The following LRRC37A2 variants were observed in gnomAD, a reference collection of about 807,000 sequenced individuals.
The protein encoded by LRRC37A2 is leucine-rich repeat-containing protein 37A2.
A neutral mutation model predicts 68.8 loss-of-function variants in LRRC37A2; 9 were observed. The observed-to-expected ratio is 0.13, with a 90% confidence interval of 0.08 to 0.23. The LOEUF is 0.23. Ranked by LOEUF, LRRC37A2 falls within the 10% of genes least tolerant of loss-of-function variation. The pLI is 1.00. For missense variants in LRRC37A2, 168 were observed against 950.4 expected (o/e 0.18, Z 10.82); for synonymous variants, 63 against 367.6 (o/e 0.17, Z 9.48).
chr17:46,768,302 G>A, the LRRC37A2 span: 7 of 1,612,940 alleles, frequency 4.3e-6, no homozygotes, highest in East Asian at 4.5e-5. The surrounding 1 kb of genome is among the most constrained non-coding windows in gnomAD (Gnocchi z 5.0). Flanking sequence ...CCTGCTTCCC[G>A]GAGCCCTACC....
chr17:47,018,141 G>C, the LRRC37A2 span: 208 of 1,573,414 alleles, frequency 1.3e-4, no homozygotes, highest in African/African-American at 2.4e-3. Context: ...CAATGAGACA[G>C]AATCTTCCCA....
the LRRC37A2 span, among the ~76,000 whole-genome samples, chr17:46,771,258 G>A: frequency 6.6e-6 from 1 of 152,126 alleles, no homozygotes; most frequent in East Asian, 1.9e-4. Flanking sequence ...GACCGAGGAC[G>A]GCGGCAAGGG....
the LRRC37A2 span, among the ~76,000 whole-genome samples, chr17:46,914,576 G>A: frequency 1.2e-4 from 17 of 147,270 alleles, no homozygotes; most frequent in Non-Finnish European, 2.1e-4. Context: ...TCTTGAACCC[G>A]GAAGGCGGAG....
the LRRC37A2 span, among the ~76,000 whole-genome samples, chr17:46,781,709 A>T: frequency 6.6e-6 from 1 of 152,224 alleles, no homozygotes; most frequent in Non-Finnish European, 1.5e-5. Flanking sequence ...AGTACACTTT[A>T]AAATGGTTAA....
At chr17:46,925,479 C>T in the LRRC37A2 span, among the ~76,000 whole-genome samples, 1 of 152,220 alleles carries the variant, frequency 6.6e-6, no homozygotes, top group Non-Finnish European at 1.5e-5. Context: ...AGTGCTGAAC[C>T]AGGAGTGGGA....
chr17:46,662,655 A>G, the LRRC37A2 span, among the ~76,000 whole-genome samples: 1 of 139,010 alleles, frequency 7.2e-6, no homozygotes, highest in Non-Finnish European at 1.6e-5. Context: ...GAAGAAAGCT[A>G]TTGTCCAGAC....
At chr17:46,409,378 C>G in the LRRC37A2 span, among the ~76,000 whole-genome samples, 1 of 147,500 alleles carries the variant, frequency 6.8e-6, no homozygotes, top group African/African-American at 2.5e-5. Flanking sequence ...CTCCTGGTCT[C>G]AAGCAATTCT....
At chr17:46,802,752 G>A in the LRRC37A2 span, among the ~76,000 whole-genome samples, 3 of 152,236 alleles carry the variant, frequency 2.0e-5, no homozygotes. Flanking sequence ...AACACGTGGA[G>A]GTTCCTGGAA....
the LRRC37A2 span, among the ~76,000 whole-genome samples, chr17:46,500,138 G>C: frequency 6.7e-6 from 1 of 149,558 alleles, no homozygotes; most frequent in Non-Finnish European, 1.5e-5. Context: ...GACAAATTTT[G>C]TTCTTTGGTT....
At chr17:46,738,902 G>C in the LRRC37A2 span, among the ~76,000 whole-genome samples, 4 of 152,084 alleles carry the variant, frequency 2.6e-5, no homozygotes, top group Admixed American at 6.5e-5. Flanking sequence ...AGGACTTCTA[G>C]ACCAGCCTGG....
the LRRC37A2 span, chr17:46,875,352 C>T: frequency 6.2e-7 from 1 of 1,605,158 alleles, no homozygotes; most frequent in South Asian, 1.1e-5. Context: ...CCACAATACC[C>T]ACGTGGGCAT....
the LRRC37A2 span, chr17:46,773,623 T>TA: frequency 5.5e-5 from 21 of 383,470 alleles, no homozygotes; most frequent in South Asian, 1.7e-4. Context: ...TCCTGATCCC[T>TA]CCCCCCACCC....
the LRRC37A2 span, among the ~76,000 whole-genome samples, chr17:46,846,778 G>C: frequency 6.6e-6 from 1 of 152,250 alleles, no homozygotes; most frequent in African/African-American, 2.4e-5. Flanking sequence ...AGAGTTCTGT[G>C]AGGAAGAAGA....
At chr17:46,868,870 G>T in the LRRC37A2 span, among the ~76,000 whole-genome samples, 1 of 152,204 alleles carries the variant, frequency 6.6e-6, no homozygotes, top group Non-Finnish European at 1.5e-5. Flanking sequence ...TTATTCTGGG[G>T]TCTAGGAAGA....
the LRRC37A2 span, among the ~76,000 whole-genome samples, chr17:46,430,872 CTG>C: frequency 1.1e-5 from 1 of 87,334 alleles, no homozygotes. Context: ...GAAAGTCAAA[CTG>C]TATGTAAATT....
chr17:46,900,151 CTATATATATACATATACATATATA>C, the LRRC37A2 span, among the ~76,000 whole-genome samples: 1 of 81,812 alleles, frequency 1.2e-5, no homozygotes, highest in Non-Finnish European at 2.2e-5. Flanking sequence ...CCATCCTTTT[CTATATATATACATATACATATATA>C]TATATATATA....
At chr17:46,978,940 G>T in the LRRC37A2 span, 1 of 1,455,094 alleles carries the variant, frequency 6.9e-7, no homozygotes, top group Non-Finnish European at 9.0e-7. Flanking sequence ...TCCCAGGGCG[G>T]CCCCGGCGCC....
chr17:46,881,792 A>G, the LRRC37A2 span, among the ~76,000 whole-genome samples: 1 of 152,226 alleles, frequency 6.6e-6, no homozygotes, highest in Non-Finnish European at 1.5e-5. Context: ...TTGCATTTGC[A>G]ATATCTATCT....
At chr17:46,697,215 CTTTTTTT>C in the LRRC37A2 span, among the ~76,000 whole-genome samples, 8 of 122,112 alleles carry the variant, frequency 6.6e-5, no homozygotes, top group African/African-American at 2.4e-4. Flanking sequence ...AATTATTTTT[CTTTTTTT>C]TTTTTTGAAA....
Sources: gnomAD v4.1 joint callset for allele counts (sites outside exome capture counted in the v4.1 genomes callset) on GRCh38, gnomAD v4.1.1 for gene constraint, Gnocchi (gnomAD v3.1) non-coding constraint, MANE v1.5 for transcripts, NCBI Gene and HGNC (gene_info 2026-07-23, HGNC 2026-07-21) for gene names.